The following PLCXD3 variants were observed in gnomAD, a reference collection of about 807,000 sequenced individuals.
The protein encoded by PLCXD3 is PI-PLC X domain-containing protein 3.
PLCXD3 carries 19 observed loss-of-function variants against 25.5 expected under a neutral mutation model. The ratio of observed to expected loss-of-function variants is 0.75; its 90% CI spans 0.52 to 1.09. The LOEUF is 1.09. Ranked by LOEUF, PLCXD3 falls within the 50% of genes least tolerant of loss-of-function variation. The pLI, the probability that PLCXD3 is intolerant of heterozygous loss-of-function variation, is 0.00. For synonymous variants in PLCXD3, 174 were observed against 137.6 expected, an observed-to-expected ratio of 1.26 and a Z score of -1.85; for missense variants, 411 against 388.1, an observed-to-expected ratio of 1.06 and a Z score of -0.50.
intron 1 of PLCXD3, among the ~76,000 whole-genome samples, chr5:41,445,962 C>T (rs1047244108): frequency 2.6e-5 from 4 of 151,554 alleles, no homozygotes; most frequent in African/African-American, 9.7e-5. Flanking sequence ...CCGAGGCGGA[C>T]GAATCACGAG....
chr5:41,459,954 G>A (rs1421948651), intron 1 of PLCXD3, among the ~76,000 whole-genome samples: 9 of 151,914 alleles, frequency 5.9e-5, no homozygotes, highest in Non-Finnish European at 1.3e-4. Context: ...CCTGCAAGGA[G>A]CTAATACTAG....
intron 1 of PLCXD3, among the ~76,000 whole-genome samples, chr5:41,464,124 T>A (rs1747956236): frequency 6.6e-6 from 1 of 151,972 alleles, no homozygotes. Context: ...CCTTATTCAA[T>A]CATTTAGTGT....
At chr5:41,349,592 C>T (rs1744394917) in intron 2 of PLCXD3, among the ~76,000 whole-genome samples, 1 of 152,168 alleles carries the variant, frequency 6.6e-6, no homozygotes, top group African/African-American at 2.4e-5. Flanking sequence ...GAAGAACTGA[C>T]AAAAGCATTC....
intron 2 of PLCXD3, among the ~76,000 whole-genome samples, chr5:41,377,666 T>C (rs900825609): frequency 1.1e-4 from 17 of 152,082 alleles, no homozygotes; most frequent in African/African-American, 3.9e-4. Context: ...CTGCAGTATT[T>C]AGAACCATTG....
intron 1 of PLCXD3, among the ~76,000 whole-genome samples, chr5:41,474,326 T>G (rs1467317076): frequency 6.6e-6 from 1 of 152,178 alleles, no homozygotes; most frequent in Non-Finnish European, 1.5e-5. Context: ...GTGCTTGGGG[T>G]GTGACTGCCC....
intron 1 of PLCXD3, among the ~76,000 whole-genome samples, chr5:41,469,483 TCTGGTTGTGAG>T (rs1325616736): frequency 7.3e-6 from 1 of 136,742 alleles, no homozygotes; most frequent in Non-Finnish European, 1.6e-5. Flanking sequence ...CATGAATCCA[TCTGGTTGTGAG>T]CTGCTTTTTT....
chr5:41,433,975 T>C (rs1357184336), intron 1 of PLCXD3, among the ~76,000 whole-genome samples: 1 of 152,156 alleles, frequency 6.6e-6, no homozygotes, highest in Admixed American at 6.5e-5. Flanking sequence ...TATCACCTGA[T>C]GGGAGCCAAT....
At chr5:41,346,754 G>A (rs187248751) in intron 2 of PLCXD3, among the ~76,000 whole-genome samples, 2 of 152,236 alleles carry the variant, frequency 1.3e-5, no homozygotes, top group Admixed American at 1.3e-4. Flanking sequence ...TACATGCTAT[G>A]CCGTCTTTTC....
At chr5:41,378,996 CT>C (rs1222839711) in intron 2 of PLCXD3, among the ~76,000 whole-genome samples, 1 of 152,084 alleles carries the variant, frequency 6.6e-6, no homozygotes, top group African/African-American at 2.4e-5. Flanking sequence ...GGGTAAAGTT[CT>C]TGGCTAAAAT....
intron 1 of PLCXD3, among the ~76,000 whole-genome samples, chr5:41,474,567 C>T (rs192334373): frequency 4.6e-5 from 7 of 152,256 alleles, no homozygotes; most frequent in East Asian, 3.9e-4. Flanking sequence ...GTCCACTAAA[C>T]GCCATGGGTT....
intron 1 of PLCXD3, among the ~76,000 whole-genome samples, chr5:41,429,406 G>A (rs1017595208): frequency 6.6e-5 from 10 of 151,960 alleles, no homozygotes; most frequent in African/African-American, 1.4e-4. Flanking sequence ...GAGAGAAGGC[G>A]GAGGAGAGAG....
At chr5:41,479,757 A>G (rs1043182557) in intron 1 of PLCXD3, among the ~76,000 whole-genome samples, 9 of 152,144 alleles carry the variant, frequency 5.9e-5, no homozygotes, top group Non-Finnish European at 1.0e-4. Flanking sequence ...GAGTAGGCAT[A>G]GACTTTAAAA....
At chr5:41,381,594 T>C (rs1458620167) in intron 2 of PLCXD3, among the ~76,000 whole-genome samples, 3 of 152,056 alleles carry the variant, frequency 2.0e-5, no homozygotes, top group Non-Finnish European at 4.4e-5. Flanking sequence ...GATTCTTTTT[T>C]AGAGTCCTCA....
intron 2 of PLCXD3, among the ~76,000 whole-genome samples, chr5:41,338,078 C>T (rs1267457279): frequency 6.6e-6 from 1 of 152,066 alleles, no homozygotes; most frequent in African/African-American, 2.4e-5. Context: ...CTCCCTCTTC[C>T]TTGTATATTT....
intron 1 of PLCXD3, among the ~76,000 whole-genome samples, chr5:41,462,716 C>T (rs1259345679): frequency 4.0e-5 from 6 of 151,372 alleles, no homozygotes; most frequent in African/African-American, 7.3e-5. Context: ...ACCTGGGGGG[C>T]AGAGGTTGCA....
intron 2 of PLCXD3, among the ~76,000 whole-genome samples, chr5:41,340,894 A>G (rs923660319): frequency 4.6e-5 from 7 of 152,274 alleles, no homozygotes; most frequent in Non-Finnish European, 1.0e-4. Context: ...AATAGAATGT[A>G]TTTTATAATA....
At chr5:41,427,591 A>C (rs1186268346) in intron 1 of PLCXD3, among the ~76,000 whole-genome samples, 3 of 152,178 alleles carry the variant, frequency 2.0e-5, no homozygotes, top group Non-Finnish European at 4.4e-5. Flanking sequence ...ATGTTCCAGC[A>C]GACTTATCAG....
chr5:41,320,731 C>T (rs925668518), intron 2 of PLCXD3, among the ~76,000 whole-genome samples: 1 of 152,138 alleles, frequency 6.6e-6, no homozygotes, highest in African/African-American at 2.4e-5. Flanking sequence ...CTCCTGACCT[C>T]GTGATCCGTC....
At chr5:41,365,543 A>G (rs1019310839) in intron 2 of PLCXD3, among the ~76,000 whole-genome samples, 2 of 152,040 alleles carry the variant, frequency 1.3e-5, no homozygotes, top group African/African-American at 2.4e-5. Context: ...TCCAGTCCCC[A>G]CTCTAAGCCC....
Sources: allele counts gnomAD v4.1 joint callset (sites outside exome capture counted in the v4.1 genomes callset), GRCh38; gene constraint gnomAD v4.1.1; transcripts MANE v1.5; gene names NCBI Gene and HGNC (gene_info 2026-07-23, HGNC 2026-07-21).